Variants in AVEN observed in about 807,000 individuals in gnomAD.
The protein encoded by AVEN is cell death regulator Aven.
Under a neutral mutation model 38.1 loss-of-function variants are expected in AVEN, and 41 were observed. That is an observed-to-expected ratio of 1.08 (90% CI 0.84 to 1.40). The LOEUF (loss-of-function observed/expected upper bound fraction) is 1.40, where lower values mean the gene tolerates loss of function less well. AVEN is among the 40% of genes most tolerant of loss of function. The probability of loss-of-function intolerance (pLI) is 0.00; values close to 1 mark genes in which losing one functional copy is unlikely to be tolerated. For missense variants in AVEN, 605 were observed against 438.8 expected (o/e 1.38, Z -3.38); for synonymous variants, 206 against 171.8 (o/e 1.20, Z -1.56).
chr15:33,895,449 T>C (rs1369722162), intron 2 of AVEN, among the ~76,000 whole-genome samples: 1 of 151,942 alleles, frequency 6.6e-6, no homozygotes, highest in Admixed American at 6.6e-5. Flanking sequence ...CCTCAGCCTC[T>C]TGAATAGCTG....
At chr15:33,886,869 C>A (rs976490599) in intron 2 of AVEN, among the ~76,000 whole-genome samples, 27 of 152,300 alleles carry the variant, frequency 1.8e-4, no homozygotes, top group African/African-American at 6.3e-4. Context: ...ATTGCTCTGC[C>A]ATGCCTGGGG....
rs533788693 is a variant in AVEN at position 33,899,460 on chromosome 15, C to CTTTTTTTTTTTT, written c.446-23477_446-23466dup. ...TACATTTATTTGCTTCAGGGAAAAC[C>CTTTTTTTTTTTT]TTTTTTTTTTTTTTTTTTTTTTTTT... On this transcript the variant is annotated intron_variant, in intron 2 of 5. Transcript: ENST00000306730. 7.7e-3 allele frequency among the ~76,000 whole-genome samples: 504 copies of CTTTTTTTTTTTT among 65,422 alleles called. 43 individuals are homozygous for CTTTTTTTTTTTT. The highest frequency in any genetic ancestry group is 0.011 in the Non-Finnish European group (375 of 35,006). The allele number at this position is 65,422 out of a possible 152,430, so 42.9% of individuals were successfully genotyped here.
At chr15:34,065,283 A>T (rs1198799633) in intron 4 of AVEN, 2 of 152,158 alleles carry the variant, frequency 1.3e-5, no homozygotes, top group Non-Finnish European at 2.9e-5. Context: ...GTTTTCAGAG[A>T]TCTTGCTTTC....
At chr15:33,922,885 T>G (rs1893455169) in intron 2 of AVEN, among the ~76,000 whole-genome samples, 1 of 152,236 alleles carries the variant, frequency 6.6e-6, no homozygotes, top group Admixed American at 6.5e-5. Flanking sequence ...ACATCCACAA[T>G]TCCCTGTAAA....
intron 2 of AVEN, among the ~76,000 whole-genome samples, chr15:33,888,813 C>T (rs573365714): frequency 1.4e-4 from 21 of 152,178 alleles, no homozygotes; most frequent in African/African-American, 4.6e-4. Flanking sequence ...TGCAGTGGCG[C>T]GATCTTGGCT....
intron 11 of AVEN, chr15:33,859,546 C>T (rs757264382): frequency 1.9e-6 from 3 of 1,612,740 alleles, no homozygotes; most frequent in South Asian, 2.2e-5. Flanking sequence ...GTGACTTTTG[C>T]CTAAATCCCC....
chr15:34,067,186 G>A (rs899086760), intron 2 of AVEN: 1 of 152,210 alleles, frequency 6.6e-6, no homozygotes, highest in Non-Finnish European at 1.5e-5. Flanking sequence ...TGAATTTGAT[G>A]ACTTGTCAGG....
chr15:33,963,948 T>C (rs1181929400), intron 2 of AVEN, among the ~76,000 whole-genome samples: 1 of 152,040 alleles, frequency 6.6e-6, no homozygotes, highest in Non-Finnish European at 1.5e-5. Context: ...CAGAGAGTAT[T>C]AGTGGGGCAT....
intron 1 of AVEN, among the ~76,000 whole-genome samples, chr15:34,019,941 G>C (rs1898126973): frequency 6.6e-6 from 1 of 152,152 alleles, no homozygotes; most frequent in African/African-American, 2.4e-5. Flanking sequence ...CAGTTCTTTT[G>C]TATGCAATTA....
chr15:34,053,202 A>C (rs1385694083), intron 5 of AVEN, among the ~76,000 whole-genome samples: 3 of 149,340 alleles, frequency 2.0e-5, no homozygotes, highest in Non-Finnish European at 4.4e-5. Context: ...CAGGAGGCTG[A>C]GGCAGGAGAA....
At chr15:34,014,742 A>C (rs998933965) in intron 1 of AVEN, among the ~76,000 whole-genome samples, 1 of 152,126 alleles carries the variant, frequency 6.6e-6, no homozygotes, top group Non-Finnish European at 1.5e-5. Context: ...TGTTGGGTCT[A>C]CTCCAACAGC....
chr15:34,053,897 C>A (rs549638364), intron 5 of AVEN, among the ~76,000 whole-genome samples: 2 of 152,192 alleles, frequency 1.3e-5, no homozygotes, highest in South Asian at 4.1e-4. Context: ...AGACAACTTA[C>A]AGAATGGGAG....
chr15:34,019,401 A>G (rs1320006386), intron 1 of AVEN, among the ~76,000 whole-genome samples: 1 of 152,228 alleles, frequency 6.6e-6, no homozygotes, highest in Non-Finnish European at 1.5e-5. Flanking sequence ...AAAAGTTTAT[A>G]AAGTAAGAAA....
At chr15:33,854,130 A>G (rs2079389781), downstream of AVEN, among the ~76,000 whole-genome samples, 1 of 150,130 alleles carries the variant, frequency 6.7e-6, no homozygotes, top group South Asian at 2.1e-4. Flanking sequence ...TGGCAGGTGG[A>G]GGTTGCAGTA....
chr15:34,009,095 T>C (rs1277096160), intron 1 of AVEN, among the ~76,000 whole-genome samples: 2 of 151,856 alleles, frequency 1.3e-5, no homozygotes, highest in Non-Finnish European at 2.9e-5. Context: ...AAGGCAATAA[T>C]ATAACATATT....
At chr15:33,895,905 GA>G (rs939967525) in intron 2 of AVEN, among the ~76,000 whole-genome samples, 10 of 152,220 alleles carry the variant, frequency 6.6e-5, no homozygotes, top group African/African-American at 2.2e-4. Flanking sequence ...CCTCCTACCT[GA>G]AACAGTCACA....
At chr15:33,915,655 A>C (rs748495889) in intron 2 of AVEN, among the ~76,000 whole-genome samples, 1 of 152,158 alleles carries the variant, frequency 6.6e-6, no homozygotes, top group Non-Finnish European at 1.5e-5. Context: ...TAGAACTCAA[A>C]GTTTTCCTGG....
At chr15:33,865,255 G>A (rs1308154092), downstream of AVEN, 8 of 1,522,348 alleles carry the variant, frequency 5.3e-6, no homozygotes, top group African/African-American at 8.2e-5. Context: ...CGACAATTCT[G>A]GACAGTCAAC....
At chr15:33,863,472 A>G (rs1193038503), downstream of AVEN, among the ~76,000 whole-genome samples, 1 of 152,050 alleles carries the variant, frequency 6.6e-6, no homozygotes, top group African/African-American at 2.4e-5. Context: ...CAACTTCACA[A>G]TCCTTTTCCG....
Sources: allele counts gnomAD v4.1 joint callset (sites outside exome capture counted in the v4.1 genomes callset), GRCh38; gene constraint gnomAD v4.1.1; transcripts MANE v1.5; gene names NCBI Gene and HGNC (gene_info 2026-07-23, HGNC 2026-07-21).